MDGA2: variants seen among roughly 807,000 people sequenced by gnomAD.
The protein encoded by MDGA2 is MAM domain containing glycosylphosphatidylinositol anchor 2.
In MDGA2, 40 loss-of-function variants were observed where a neutral mutation model predicts 117.8. The observed-to-expected ratio is 0.34, with a 90% confidence interval of 0.26 to 0.44. The LOEUF (loss-of-function observed/expected upper bound fraction) is 0.44, where lower values mean the gene tolerates loss of function less well. Ranked by LOEUF, MDGA2 falls within the 20% of genes least tolerant of loss-of-function variation. MDGA2 has a pLI of 1.00. For synonymous variants in MDGA2, 452 were observed against 439.0 expected (o/e 1.03, Z -0.37); for missense variants, 1,123 against 1,250.6 (o/e 0.90, Z 1.54).
At chr14:47,100,245 A>G (rs952481705) in intron 5 of MDGA2, among the ~76,000 whole-genome samples, 1 of 152,112 alleles carries the variant, frequency 6.6e-6, no homozygotes. Context: ...AAAAGGTACT[A>G]TATCTATGTT....
At chr14:47,498,397 AT>A (rs966685265) in intron 1 of MDGA2, among the ~76,000 whole-genome samples, 8 of 151,642 alleles carry the variant, frequency 5.3e-5, no homozygotes, top group South Asian at 4.2e-4. Context: ...AAGGATAAAT[AT>A]TTTTTTTTCA....
chr14:47,159,832 C>A (rs571706117), intron 3 of MDGA2, among the ~76,000 whole-genome samples: 25 of 152,108 alleles, frequency 1.6e-4, no homozygotes, highest in African/African-American at 5.8e-4. Flanking sequence ...TTTAAAAAAT[C>A]TTTGTATATT....
chr14:47,105,406 CT>C (rs1164319282), intron 5 of MDGA2, among the ~76,000 whole-genome samples: 1 of 151,644 alleles, frequency 6.6e-6, no homozygotes, highest in East Asian at 1.9e-4. Flanking sequence ...ACTCTTTTCT[CT>C]GGGCTTGCCT....
intron 3 of MDGA2, among the ~76,000 whole-genome samples, chr14:47,189,518 A>G (rs985764397): frequency 6.6e-6 from 1 of 152,096 alleles, no homozygotes; most frequent in African/African-American, 2.4e-5. Flanking sequence ...TGTCATTTCT[A>G]TTCCTCCTTA....
chr14:47,069,554 T>C (rs1008946808), intron 6 of MDGA2, among the ~76,000 whole-genome samples: 2 of 152,218 alleles, frequency 1.3e-5, no homozygotes, highest in African/African-American at 2.4e-5. Context: ...TGTCATGACA[T>C]TGTCCCAGTT....
intron 4 of MDGA2, among the ~76,000 whole-genome samples, chr14:47,132,536 G>A (rs543039433): frequency 3.0e-4 from 46 of 151,848 alleles, no homozygotes; most frequent in African/African-American, 1.1e-3. Flanking sequence ...GTGGCCAGAA[G>A]TATCTAACAA....
intron 10 of MDGA2, among the ~76,000 whole-genome samples, chr14:46,900,201 GA>G (rs1883231473): frequency 6.6e-6 from 1 of 152,100 alleles, no homozygotes; most frequent in South Asian, 2.1e-4. Context: ...TGAAAATAGT[GA>G]AAACGACAAA....
chr14:46,959,251 ATGTG>A (rs3985119), intron 8 of MDGA2, among the ~76,000 whole-genome samples: 28,120 of 139,024 alleles, frequency 0.2, 2,957 homozygotes, highest in Non-Finnish European at 0.24. Flanking sequence ...AATGCTATAT[ATGTG>A]TGTGTGTGTG....
chr14:47,431,351 T>C (rs1349009956), intron 1 of MDGA2, among the ~76,000 whole-genome samples: 2 of 152,118 alleles, frequency 1.3e-5, no homozygotes, highest in South Asian at 2.1e-4. Context: ...AAAAAATTGC[T>C]TAAAAGTCAT....
chr14:47,346,985 T>C (rs1049799072), intron 1 of MDGA2, among the ~76,000 whole-genome samples: 2 of 152,050 alleles, frequency 1.3e-5, no homozygotes, highest in African/African-American at 4.8e-5. Context: ...AAGATGAGAC[T>C]AATGGAAGGA....
chr14:46,928,244 A>G (rs187991519), intron 9 of MDGA2, among the ~76,000 whole-genome samples: 20 of 152,290 alleles, frequency 1.3e-4, no homozygotes, highest in Admixed American at 5.9e-4. Context: ...TTCAGTCACA[A>G]AAACAATACA....
At chr14:47,095,347 C>G (rs573201124) in intron 6 of MDGA2, among the ~76,000 whole-genome samples, 1 of 151,980 alleles carries the variant, frequency 6.6e-6, no homozygotes, top group Non-Finnish European at 1.5e-5. Flanking sequence ...CTTAATGACA[C>G]AAGAACAATA....
chr14:47,246,345 A>G (rs1010417256), intron 2 of MDGA2, among the ~76,000 whole-genome samples: 3 of 151,754 alleles, frequency 2.0e-5, no homozygotes, highest in African/African-American at 4.8e-5. Context: ...CATTTCTAAC[A>G]TCACCAATAT....
intron 1 of MDGA2, among the ~76,000 whole-genome samples, chr14:47,386,455 C>T (rs1891762215): frequency 6.6e-6 from 1 of 152,076 alleles, no homozygotes; most frequent in African/African-American, 2.4e-5. Flanking sequence ...GAAATGGCCA[C>T]CACTCCTCAA....
rs1168115459 is a variant in MDGA2 at position 46,947,438 on chromosome 14, T to C, written c.2089+9936A>G. ...CCAACATATTGTTGCTGTCACTCCA[T>C]GAGCCACATCACTCAGAAGTCTAGC... On this transcript the variant is annotated intron_variant, in intron 9 of 16. Transcript: ENST00000399232. Among the ~76,000 whole-genome samples the C allele has an allele frequency of 6.6e-5, 10 of 152,166 alleles. No homozygotes were observed. The East Asian group carries it at 1.7e-3, about 26-fold the overall frequency.
chr14:47,335,734 T>TTTTATATA (rs1255206359), intron 1 of MDGA2, among the ~76,000 whole-genome samples: 6 of 48,034 alleles, frequency 1.2e-4, no homozygotes, highest in Non-Finnish European at 2.1e-4. Context: ...CACATATATT[T>TTTTATATA]TATATATATA....
At chr14:46,973,039 A>C (rs1161076403) in intron 8 of MDGA2, among the ~76,000 whole-genome samples, 1 of 152,180 alleles carries the variant, frequency 6.6e-6, no homozygotes, top group Non-Finnish European at 1.5e-5. Context: ...GATGTCATCA[A>C]GGAAATGCAA....
At chr14:47,451,424 T>C (rs1002823790) in intron 1 of MDGA2, among the ~76,000 whole-genome samples, 16 of 151,812 alleles carry the variant, frequency 1.1e-4, no homozygotes, top group African/African-American at 3.1e-4. Flanking sequence ...AAATGGACTC[T>C]GAGAAACCTA....
At chr14:47,023,528 T>C (rs1388945453) in intron 8 of MDGA2, among the ~76,000 whole-genome samples, 2 of 152,126 alleles carry the variant, frequency 1.3e-5, no homozygotes, top group East Asian at 1.9e-4. Context: ...AAAGTGAATA[T>C]TTAGAGAAAT....
Sources: allele counts gnomAD v4.1 joint callset (sites outside exome capture counted in the v4.1 genomes callset), GRCh38; gene constraint gnomAD v4.1.1; transcripts MANE v1.5; gene names NCBI Gene and HGNC (gene_info 2026-07-23, HGNC 2026-07-21).